LGALS12: variants seen among roughly 807,000 people sequenced by gnomAD.
LGALS12 encodes the protein galectin-12.
In LGALS12, 36 loss-of-function variants were observed where a neutral mutation model predicts 36.8. That is an observed-to-expected ratio of 0.98 (90% CI 0.75 to 1.29). The LOEUF is 1.29. Ranked by LOEUF, LGALS12 falls within the 50% of genes most tolerant of loss-of-function variation. The pLI, the probability that LGALS12 is intolerant of heterozygous loss-of-function variation, is 0.00. For missense variants in LGALS12, 366 were observed against 394.3 expected (o/e 0.93, Z 0.61); for synonymous variants, 145 against 155.9 (o/e 0.93, Z 0.52).
intron 8 of LGALS12, 104 bp from the exon 9 acceptor site, chr11:63,516,143 C>T (rs996294007): frequency 4.3e-5 from 62 of 1,428,660 alleles, no homozygotes; most frequent in Middle Eastern, 5.2e-4. Flanking sequence ...TGGGTCCAGT[C>T]TTCGTGTCCT....
At chr11:63,513,558 C>G (rs1184625196) in intron 7 of LGALS12, among the ~76,000 whole-genome samples, 1 of 152,138 alleles carries the variant, frequency 6.6e-6, no homozygotes, top group Non-Finnish European at 1.5e-5. Context: ...ATGGACCAGA[C>G]AAAACATTCC....
chr11:63,511,694 G>A (rs900841779), intron 6 of LGALS12, 58 bp from the exon 7 acceptor site: 17 of 1,294,792 alleles, frequency 1.3e-5, no homozygotes, highest in East Asian at 6.9e-5. Flanking sequence ...CCGGGGATGG[G>A]CGGTCCTCCC....
At chr11:63,507,119 T>G (rs2016763726) in intron 1 of LGALS12, among the ~76,000 whole-genome samples, 1 of 152,106 alleles carries the variant, frequency 6.6e-6, no homozygotes, top group African/African-American at 2.4e-5. Context: ...GGAGGGAGCC[T>G]GGGAATGGGA....
At chr11:63,512,133 C>A (rs999582126) in intron 7 of LGALS12, among the ~76,000 whole-genome samples, 3 of 152,134 alleles carry the variant, frequency 2.0e-5, no homozygotes, top group Non-Finnish European at 4.4e-5. Context: ...AAAGGCCCTT[C>A]GTAGGTGCAG....
At chr11:63,507,147 C>T (rs1317434437) in intron 1 of LGALS12, among the ~76,000 whole-genome samples, 1 of 152,210 alleles carries the variant, frequency 6.6e-6, no homozygotes, top group Admixed American at 6.5e-5. Flanking sequence ...AACTGCTGAA[C>T]CAACCAGCTG....
rs2016884050 is a variant in LGALS12, at chr11:63,510,481, AGAGAGTACCCAGCTG to A, written c.514_528del (p.Glu172_Gly176del). 6.2e-7 allele frequency: 1 copy of A among 1,614,012 alleles called. No homozygotes were observed. The highest frequency in any genetic ancestry group is 8.5e-7 in the Non-Finnish European group (1 of 1,179,980). ...TGAACAGCCATTTGTGGAGGGCAGC[AGAGAGTACCCAGCTG>A]GACATGTGAGTTTCTTGGCAGCAAG... is the stretch of plus-strand genomic sequence containing the variant. On this transcript the variant is annotated inframe_deletion, in exon 5 of 9. Transcript: ENST00000394618.
chr11:63,506,984 G>A (rs1204600159), intron 1 of LGALS12, among the ~76,000 whole-genome samples: 1 of 152,140 alleles, frequency 6.6e-6, no homozygotes, highest in Non-Finnish European at 1.5e-5. Context: ...CTGAAGCCAG[G>A]CAATGATTTA....
chr11:63,516,205 T>C, intron 8 of LGALS12, 42 bp from the exon 9 acceptor site: 1 of 1,525,132 alleles, frequency 6.6e-7, no homozygotes, highest in Non-Finnish European at 8.7e-7. Flanking sequence ...CAAGGGAAAG[T>C]CTGGCTGGAA....
rs760531443 is a variant in LGALS12, at chr11:63,506,259, G to A, written c.-200G>A. On this transcript the variant is annotated 5_prime_UTR_variant, in exon 1 of 9. Coordinates refer to ENST00000394618, the MANE Select transcript of LGALS12 (RefSeq NM_033101.4). ...CTCTGCTGTATACCACCGGGAGTGGGGCTGGTGTGGAGCCTGGAGGTCGCC... is the reference window on the plus strand; with the variant it reads ...CTCTGCTGTATACCACCGGGAGTGGAGCTGGTGTGGAGCCTGGAGGTCGCC... The A allele has an allele frequency of 1.4e-5, 13 of 906,330 alleles. No homozygotes were observed. The highest frequency in any genetic ancestry group is 2.0e-5 in the Non-Finnish European group (12 of 603,644). 56.1% of individuals were successfully genotyped at this position (906,330 alleles called of 1,614,324 possible).
At position 63,509,842 on chromosome 11, in the gene LGALS12, C is replaced by G. The variant is rs534811017; in HGVS notation, c.437C>G (p.Thr146Arg). The change falls in exon 4 of 9, where the codon ACG becomes AGG. Residue 146 changes from threonine (T) to arginine (R), a missense_variant. Thr to Arg is a moderately conservative substitution (Grantham distance 71). Coordinates refer to ENST00000394618, the MANE Select transcript of LGALS12 (RefSeq NM_033101.4). The stretch of plus-strand genomic sequence containing the variant: ...CGGCTCCCACTGTCTCATGTGGACA[C>G]GCTGGGTATATTTGGTGACATCCTG... ...RYRLPLSHVD[T>R]LGIFGDILVE... is the part of the protein sequence containing the mutation. 6.2e-7 allele frequency: 1 copy of G among 1,613,992 alleles called. No homozygotes were observed. Among genetic ancestry groups the G allele is most frequent in the Admixed American group, 1.7e-5 (1 of 60,002 alleles).
chr11:63,507,968 C>T, intron 1 of LGALS12: 5 of 943,454 alleles, frequency 5.3e-6, no homozygotes, highest in Non-Finnish European at 5.1e-6. Flanking sequence ...GAACTCCTGA[C>T]CTCAAGTTGA....
At position 63,511,768 on chromosome 11, in the gene LGALS12, A is replaced by C; in HGVS notation, c.575A>C (p.His192Pro). The change falls in exon 7 of 9, where the codon CAT (histidine) becomes CCT (proline). Residue 192 changes from histidine (H) to proline (P), a missense_variant. Transcript: ENST00000394618. ...TTCCTTCAGGAGGTGCCCTGCTCAC[A>C]TGCTCTTCCCCAGGGTCTCTCGCCT... ...MSPRLEVPCS[H>P]ALPQGLSPGQ... 1 of 1,613,380 alleles carries C rather than the reference A, an allele frequency of 6.2e-7. No homozygotes were observed. Among genetic ancestry groups the C allele is most frequent in the South Asian group, 1.1e-5 (1 of 91,058 alleles).
In LGALS12 at chr11:63,508,844, C is replaced by A; in HGVS notation, c.225C>A (p.Asn75Lys). 6.2e-7 allele frequency: 1 copy of A among 1,614,260 alleles called. No individual in the cohort carries two copies. Among genetic ancestry groups the A allele is most frequent in the Non-Finnish European group, 8.5e-7 (1 of 1,180,048 alleles). ...GGCCAGATATCGCCTTCCACTTCAA[C>A]CCTCGCTTCCATACCACCAAGCCCC... ...CPRPDIAFHF[N>K]PRFHTTKPHV... Residue 75 changes from asparagine to lysine, a missense_variant, in exon 3 of 9, where the codon AAC (asparagine) becomes AAA (lysine). Coordinates refer to ENST00000394618, the MANE Select transcript of LGALS12 (RefSeq NM_033101.4).
intron 7 of LGALS12, among the ~76,000 whole-genome samples, chr11:63,513,697 G>C (rs1316864931): frequency 1.3e-5 from 2 of 152,226 alleles, no homozygotes; most frequent in Non-Finnish European, 2.9e-5. Context: ...GGGGCAGAGA[G>C]AGTAAGAGAT....
rs1408512420 is a variant in LGALS12, at chr11:63,512,417, G to A, written c.647+577G>A. 3.3e-5 allele frequency among the ~76,000 whole-genome samples: 5 copies of A among 152,218 alleles called. No homozygotes were observed. In the South Asian group the frequency reaches 8.3e-4, roughly 25 times the overall value. On this transcript the variant is annotated intron_variant, in intron 7 of 8. Coordinates refer to ENST00000394618, the MANE Select transcript of LGALS12 (RefSeq NM_033101.4). ...TCTCTGGGCCAGAATGCCTGGGTTG[G>A]CATGTGCTCAGGACACCTACTTGTG...
Position 63,506,328 on chromosome 11 carries a change from A to G in LGALS12, c.-131A>G. The stretch of plus-strand genomic sequence containing the variant: ...GCTCCAGACAGCATTAAAACGCTGC[A>G]GGTCGCAGGTGAGACTAACAGCTGG... On this transcript the variant is annotated 5_prime_UTR_variant, in exon 1 of 9. Coordinates refer to ENST00000394618, the MANE Select transcript of LGALS12 (RefSeq NM_033101.4). 1 of 1,598,346 alleles carries G rather than the reference A, an allele frequency of 6.3e-7. No individual in the cohort carries two copies. The highest frequency in any genetic ancestry group is 1.3e-5 in the African/African-American group (1 of 74,664).
At chr11:63,513,451 T>C (rs1036595851) in intron 7 of LGALS12, among the ~76,000 whole-genome samples, 3 of 152,232 alleles carry the variant, frequency 2.0e-5, no homozygotes, top group Non-Finnish European at 4.4e-5. Context: ...CACCCAGTCA[T>C]GCCAGATCTT....
At position 63,511,850 on chromosome 11, in the gene LGALS12, C is replaced by G. The variant is rs780132621; in HGVS notation, c.647+10C>G. ...TGCAAGAGCCGAAGCAGTAAGTATC[C>G]AGCATCTAAGTGGAGGGGAGGGAGC... On this transcript the variant is annotated intron_variant, in intron 7 of 8. Transcript: ENST00000394618. 2 of 1,592,432 alleles carry G rather than the reference C, an allele frequency of 1.3e-6. No individual in the cohort carries two copies. The highest frequency in any genetic ancestry group is 2.2e-5 in the South Asian group (2 of 90,654).
chr11:63,510,535 C>T, intron 5 of LGALS12, 34 bp downstream of exon 5: 1 of 1,608,974 alleles, frequency 6.2e-7, no homozygotes, highest in Non-Finnish European at 8.5e-7. Flanking sequence ...TGAGCAGCCA[C>T]ACCAGCTGAC....
Sources: allele counts gnomAD v4.1 joint callset (sites outside exome capture counted in the v4.1 genomes callset), GRCh38; gene constraint gnomAD v4.1.1; transcripts MANE v1.5; gene names NCBI Gene and HGNC (gene_info 2026-07-23, HGNC 2026-07-21).